Variants in TANC2 observed in about 807,000 individuals in gnomAD.
TANC2 encodes protein TANC2.
TANC2 carries 26 observed loss-of-function variants against 210.5 expected under a neutral mutation model. That is an observed-to-expected ratio of 0.12 (90% CI 0.09 to 0.17). TANC2 has a LOEUF of 0.17. Among genes scored for constraint, TANC2 ranks in the 10% least tolerant of loss-of-function variants. The probability of loss-of-function intolerance (pLI) is 1.00; values close to 1 mark genes in which losing one functional copy is unlikely to be tolerated. For missense variants in TANC2, 2,129 were observed against 2,608.9 expected, an observed-to-expected ratio of 0.82 and a Z score of 4.01; for synonymous variants, 931 against 967.1, an observed-to-expected ratio of 0.96 and a Z score of 0.69.
At chr17:63,029,497 A>T (rs2034683730) in intron 2 of TANC2, among the ~76,000 whole-genome samples, 1 of 152,142 alleles carries the variant, frequency 6.6e-6, no homozygotes. Context: ...AATTAGATAT[A>T]ACTAGTTTTC....
At chr17:63,187,493 A>T (rs1327591824) in intron 5 of TANC2, among the ~76,000 whole-genome samples, 1 of 152,246 alleles carries the variant, frequency 6.6e-6, no homozygotes, top group Admixed American at 6.5e-5. Flanking sequence ...AGCTATTATT[A>T]TAGCTAATAA....
Position 63,307,006 on chromosome 17 carries a change from C to T in TANC2, c.1160-7382C>T, listed in dbSNP as rs546675294. On this transcript the variant is annotated intron_variant, in intron 9 of 27. Transcript: ENST00000689528. ...TTGAAAAGCTTATCAGGGGAAGCCC[C>T]GCTAACATAGTAGCATTTACGCTGA... is the stretch of plus-strand genomic sequence containing the variant. Among the ~76,000 whole-genome samples, 178 of 152,152 alleles carry T rather than the reference C, an allele frequency of 1.2e-3. 1 individual carries two copies. The highest frequency in any genetic ancestry group is 4.1e-3 in the African/African-American group (171 of 41,510).
chr17:63,263,376 A>G (rs189145123), intron 8 of TANC2, among the ~76,000 whole-genome samples: 18 of 152,342 alleles, frequency 1.2e-4, no homozygotes, highest in South Asian at 2.1e-4. Flanking sequence ...CATCCTGGCA[A>G]TCTTTATGAT....
chr17:63,252,865 G>A (rs2043090255), intron 8 of TANC2, among the ~76,000 whole-genome samples: 2 of 151,980 alleles, frequency 1.3e-5, no homozygotes, highest in African/African-American at 2.4e-5. Context: ...GTGCAGTGGT[G>A]CAATTACCCA....
intron 8 of TANC2, among the ~76,000 whole-genome samples, chr17:63,261,787 T>C (rs1264896199): frequency 6.6e-6 from 1 of 152,134 alleles, no homozygotes; most frequent in Non-Finnish European, 1.5e-5. Flanking sequence ...TTCCAAACTA[T>C]ACATGTTTGA....
At chr17:63,189,416 T>C (rs530324497) in intron 5 of TANC2, among the ~76,000 whole-genome samples, 1 of 152,362 alleles carries the variant, frequency 6.6e-6, no homozygotes, top group South Asian at 2.1e-4. Context: ...TTTCACTATT[T>C]CTTATTGCTT....
At position 63,361,688 on chromosome 17, in the gene TANC2, C is replaced by T. The variant is rs114740500; in HGVS notation, c.2582+6298C>T. Among the ~76,000 whole-genome samples, 1,110 of 152,344 alleles carry T rather than the reference C, an allele frequency of 7.3e-3. 13 individuals are homozygous for T. Among genetic ancestry groups the T allele is most frequent in the African/African-American group, 0.024 (1,008 of 41,572 alleles). On this transcript the variant is annotated intron_variant, in intron 14 of 27. Coordinates refer to ENST00000689528, the Ensembl canonical transcript of TANC2. ...CAGCTCTTCTCTCCTTCTCATCGTC[C>T]ACAATGTGGCGAGCAGTGGGGCATG...
At chr17:63,029,727 C>G (rs770140690) in intron 2 of TANC2, among the ~76,000 whole-genome samples, 1 of 152,080 alleles carries the variant, frequency 6.6e-6, no homozygotes, top group Non-Finnish European at 1.5e-5. Flanking sequence ...TTCCTAGTCT[C>G]AGGGAGCTCA....
chr17:62,993,536 C>A (rs948687157), intron 1 of TANC2, among the ~76,000 whole-genome samples: 3 of 152,140 alleles, frequency 2.0e-5, no homozygotes, highest in Non-Finnish European at 4.4e-5. Context: ...AAGTTTTATA[C>A]TTTTGTTAAT....
intron 4 of TANC2, among the ~76,000 whole-genome samples, chr17:63,104,118 A>G (rs2037733773): frequency 6.6e-6 from 1 of 152,132 alleles, no homozygotes; most frequent in African/African-American, 2.4e-5. Flanking sequence ...ATACAGCCAA[A>G]TGGTTTAAGC....
intron 5 of TANC2, among the ~76,000 whole-genome samples, chr17:63,173,417 G>A (rs1313186373): frequency 2.0e-5 from 3 of 152,152 alleles, no homozygotes; most frequent in Admixed American, 1.3e-4. Flanking sequence ...AATGGCCAGG[G>A]CTTGATTATT....
intron 4 of TANC2, chr17:63,124,997 T>C (rs570733607): frequency 1.8e-4 from 28 of 152,324 alleles, no homozygotes; most frequent in African/African-American, 6.5e-4. Context: ...CATAGGACTC[T>C]TTAAGACTTT....
chr17:63,318,527 C>T (rs1297116635), intron 10 of TANC2, among the ~76,000 whole-genome samples: 4 of 152,168 alleles, frequency 2.6e-5, no homozygotes, highest in African/African-American at 7.2e-5. Context: ...CCTAGGTAAC[C>T]ACTAATTTAC....
intron 4 of TANC2, among the ~76,000 whole-genome samples, chr17:63,141,708 C>G (rs1326703320): frequency 1.3e-5 from 2 of 152,006 alleles, no homozygotes; most frequent in African/African-American, 4.8e-5. Context: ...AATAGGCCAT[C>G]TATAAGACCC....
chr17:63,417,566 G>T (rs2048902300), intron 26 of TANC2, among the ~76,000 whole-genome samples: 1 of 152,014 alleles, frequency 6.6e-6, no homozygotes, highest in African/African-American at 2.4e-5. Flanking sequence ...TGTTTCCTAA[G>T]TAAGGAACCA....
chr17:63,085,710 T>TTATA (rs1191910966), intron 3 of TANC2, among the ~76,000 whole-genome samples: 3 of 152,076 alleles, frequency 2.0e-5, no homozygotes, highest in African/African-American at 7.2e-5. Flanking sequence ...TATATGTATA[T>TTATA]TATACATATA....
At chr17:63,232,045 C>T (rs1367871572) in intron 7 of TANC2, among the ~76,000 whole-genome samples, 1 of 152,120 alleles carries the variant, frequency 6.6e-6, no homozygotes, top group Non-Finnish European at 1.5e-5. Flanking sequence ...ACTTTGTCTA[C>T]TTGGTTGTTG....
intron 1 of TANC2, among the ~76,000 whole-genome samples, chr17:63,002,505 A>G (rs2033431747): frequency 6.6e-6 from 1 of 152,196 alleles, no homozygotes; most frequent in Non-Finnish European, 1.5e-5. Flanking sequence ...GCAGACATCT[A>G]TATGCTTTCT....
chr17:63,186,669 T>C (rs2040999122), intron 5 of TANC2, among the ~76,000 whole-genome samples: 1 of 152,180 alleles, frequency 6.6e-6, no homozygotes, highest in Non-Finnish European at 1.5e-5. Context: ...CTTCGAGTCT[T>C]CTATACTATT....
Sources: allele counts gnomAD v4.1 joint callset (sites outside exome capture counted in the v4.1 genomes callset), GRCh38; gene constraint gnomAD v4.1.1; transcripts MANE v1.5; gene names NCBI Gene and HGNC (gene_info 2026-07-23, HGNC 2026-07-21).